DST: variants seen among roughly 807,000 people sequenced by gnomAD.
DST encodes dystonin.
A neutral mutation model predicts 875.2 loss-of-function variants in DST; 253 were observed. The ratio of observed to expected loss-of-function variants is 0.29; its 90% confidence interval spans 0.26 to 0.32. The LOEUF is 0.32. Ranked by LOEUF, DST falls within the 10% of genes least tolerant of loss-of-function variation. DST has a pLI of 1.00. For synonymous variants in DST, 3,124 were observed against 3,197.1 expected (o/e 0.98, Z 0.77); for missense variants, 8,287 against 9,111.6 (o/e 0.91, Z 3.68).
intron 4 of DST, chr6:56,843,000 G>T (rs2099802177): frequency 4.5e-6 from 6 of 1,335,138 alleles, no homozygotes; most frequent in Middle Eastern, 4.3e-4. Context: ...GAAAGGCAGC[G>T]GTTGCCTCTC....
intron 4 of DST, among the ~76,000 whole-genome samples, chr6:56,764,775 T>C (rs1022462890): frequency 6.6e-6 from 1 of 152,088 alleles, no homozygotes; most frequent in African/African-American, 2.4e-5. Flanking sequence ...CTGGCCAACA[T>C]GGTGAAACAC....
Position 56,659,664 on chromosome 6 carries a change from C to T in DST, c.1215-8420G>A, listed in dbSNP as rs189221195. 1.3e-4 allele frequency among the ~76,000 whole-genome samples: 20 copies of T among 152,226 alleles called. No homozygotes were observed. The East Asian group carries it at 3.9e-3, about 29-fold the overall frequency. On this transcript the variant is annotated intron_variant, in intron 10 of 103. Transcript: ENST00000680361. ...GAAGAAATGATGGAGGATATTGCCA[C>T]CTCTTCTGAGGACTTTGGCCTTGAA...
Position 56,569,894 on chromosome 6 carries a change from CAAAAG to C in DST, c.13835_13839del (p.Ser4612TrpfsTer13). ...AAAGATTTTCCTAAATCCTCTGCAC[CAAAAG>C]AAGGCTGTACAATGGGAACTTTTTT... On this transcript the variant is annotated frameshift_variant, in exon 54 of 104. Transcript: ENST00000680361. LOFTEE classifies it high-confidence loss of function. 1 of 1,612,218 alleles carries C rather than the reference CAAAAG, an allele frequency of 6.2e-7. No homozygotes were observed.
chr6:56,937,283 A>G (rs1381622377), intron 2 of DST, among the ~76,000 whole-genome samples: 3 of 152,180 alleles, frequency 2.0e-5, no homozygotes, highest in Admixed American at 2.0e-4. Flanking sequence ...TCTATTAAAG[A>G]ATTTGTATCC....
intron 5 of DST, among the ~76,000 whole-genome samples, chr6:56,716,858 T>C (rs2099396235): frequency 1.3e-5 from 2 of 152,158 alleles, no homozygotes; most frequent in Non-Finnish European, 2.9e-5. Context: ...AACTTTCACC[T>C]CAGATCATCA....
intron 4 of DST, among the ~76,000 whole-genome samples, chr6:56,790,826 C>T (rs886137247): frequency 2.3e-4 from 35 of 152,118 alleles, no homozygotes; most frequent in Admixed American, 3.3e-4. Context: ...TTATACTGAC[C>T]AAATACAAGA....
At chr6:56,675,223 G>A (rs2099122758) in intron 9 of DST, among the ~76,000 whole-genome samples, 1 of 152,104 alleles carries the variant, frequency 6.6e-6, no homozygotes, top group African/African-American at 2.4e-5. Context: ...AATGATATTA[G>A]ACCCTTATCT....
At position 56,605,140 on chromosome 6, in the gene DST, T is replaced by C. The variant is rs757496675; in HGVS notation, c.9488A>G (p.Asn3163Ser). Residue 3163 changes from asparagine (N) to serine (S), a missense_variant, in exon 40 of 104, where the codon AAT becomes AGT. By Grantham distance (46) the Asn-to-Ser change is conservative. Coordinates refer to ENST00000680361, the MANE Select transcript of DST (RefSeq NM_001374736.1). ...AGTGAATGACTCCTCAAAATGTGTA[T>C]TCCCTTCCCACGATGTAATGTCTGA... ...ITSDITSWEG[N>S]THFEESFTDG... 3 of 1,612,502 alleles carry C rather than the reference T, an allele frequency of 1.9e-6. No homozygotes were observed. In the South Asian group the frequency reaches 3.3e-5, roughly 18 times the overall value.
At chr6:56,571,705 T>C (rs920370891) in intron 53 of DST, among the ~76,000 whole-genome samples, 20 of 152,220 alleles carry the variant, frequency 1.3e-4, no homozygotes, top group African/African-American at 4.8e-4. Flanking sequence ...AAATTGCACA[T>C]CGTTTCTGAG....
At chr6:56,510,498 T>C (rs2096452665) in intron 73 of DST, among the ~76,000 whole-genome samples, 1 of 152,170 alleles carries the variant, frequency 6.6e-6, no homozygotes, top group Non-Finnish European at 1.5e-5. Flanking sequence ...TACTTCATGG[T>C]TAAACACATA....
At chr6:56,642,605 C>T (rs781490640) in intron 15 of DST, 102 bp from the exon 16 acceptor site, 5 of 1,614,044 alleles carry the variant, frequency 3.1e-6, no homozygotes, top group African/African-American at 1.3e-5. Flanking sequence ...CACAATCCCA[C>T]ACCAATGATT....
At chr6:56,621,926 G>A (rs2098693555) in intron 36 of DST, among the ~76,000 whole-genome samples, 1 of 152,072 alleles carries the variant, frequency 6.6e-6, no homozygotes, top group Admixed American at 6.5e-5. Context: ...TAATTTTGAT[G>A]AGAATTTCAG....
intron 94 of DST, 78 bp downstream of exon 94, chr6:56,471,981 A>T: frequency 6.8e-7 from 1 of 1,468,556 alleles, no homozygotes; most frequent in Non-Finnish European, 9.5e-7. Flanking sequence ...AAAAAATACC[A>T]AGATTTTGGC....
rs138577296 is a variant in DST at position 56,884,705 on chromosome 6, G to A, written c.417+15716C>T. 2.6e-4 allele frequency among the ~76,000 whole-genome samples: 40 copies of A among 152,016 alleles called. 1 individual carries two copies. Among genetic ancestry groups the A allele is most frequent in the Admixed American group, 4.6e-4 (7 of 15,254 alleles). On this transcript the variant is annotated intron_variant, in intron 3 of 103. Transcript: ENST00000680361. ...TAGTCTTTGATGCTTCCTTGCTTTC[G>A]AGTTTGACAAGATGTGCCAAGCTCA...
chr6:56,678,184 G>T (rs2099139930), intron 9 of DST, among the ~76,000 whole-genome samples: 1 of 152,178 alleles, frequency 6.6e-6, no homozygotes, highest in South Asian at 2.1e-4. Flanking sequence ...CGTGTGCCTG[G>T]ACACCCAAAT....
intron 5 of DST, among the ~76,000 whole-genome samples, chr6:56,716,523 C>T (rs950186316): frequency 3.9e-5 from 6 of 152,136 alleles, no homozygotes; most frequent in Non-Finnish European, 8.8e-5. Context: ...TTTTTAAAAA[C>T]TTAACAATAC....
At chr6:56,519,776 A>G (rs2096661662) in intron 69 of DST, among the ~76,000 whole-genome samples, 1 of 152,184 alleles carries the variant, frequency 6.6e-6, no homozygotes, top group Non-Finnish European at 1.5e-5. Flanking sequence ...CTTCTGCCAG[A>G]GTGGTAAGAG....
In DST at chr6:56,509,744, C is replaced by T. The variant is rs1293310282; in HGVS notation, c.18910G>A (p.Val6304Ile). 11 of 1,613,616 alleles carry T rather than the reference C, an allele frequency of 6.8e-6. No individual in the cohort carries two copies. The highest frequency in any genetic ancestry group is 1.1e-5 in the South Asian group (1 of 91,082). Residue 6304 changes from valine (V) to isoleucine (I), a missense_variant, in exon 74 of 104, where the codon GTA becomes ATA. Physicochemically the swap from Val to Ile is conservative, Grantham distance 29. Coordinates refer to ENST00000680361, the MANE Select transcript of DST (RefSeq NM_001374736.1). ...AACGGCTGTAGCTTTTCCATGTCTA[C>T]TGACACATTCTTATTTTCACTGATC... ...EQISENKNVS[V>I]DMEKLQPLYE...
At chr6:56,518,940 A>C (rs2096645433) in intron 69 of DST, among the ~76,000 whole-genome samples, 1 of 152,206 alleles carries the variant, frequency 6.6e-6, no homozygotes, top group African/African-American at 2.4e-5. Context: ...AAAACTCTGC[A>C]ACACTATGCC....
Sources: gnomAD v4.1 joint callset for allele counts (sites outside exome capture counted in the v4.1 genomes callset) on GRCh38, gnomAD v4.1.1 for gene constraint, MANE v1.5 for transcripts, NCBI Gene and HGNC (gene_info 2026-07-23, HGNC 2026-07-21) for gene names.